The following BICC1 variants were observed in gnomAD, a reference collection of about 807,000 sequenced individuals.
BICC1 encodes BicC family RNA binding protein 1.
A neutral mutation model predicts 111.0 loss-of-function variants in BICC1; 43 were observed. That is an observed-to-expected ratio of 0.39 (90% CI 0.30 to 0.50). BICC1 has a LOEUF of 0.50. BICC1 is among the 20% of genes least tolerant of loss of function. The pLI is 0.88. For synonymous variants in BICC1, 467 were observed against 434.4 expected (o/e 1.07, Z -0.93); for missense variants, 1,091 against 1,203.2 (o/e 0.91, Z 1.38).
chr10:58,625,164 A>G (rs1297798872), intron 2 of BICC1, among the ~76,000 whole-genome samples: 2 of 152,182 alleles, frequency 1.3e-5, no homozygotes, highest in Non-Finnish European at 2.9e-5. Flanking sequence ...TGGCAGCTCT[A>G]TCTAATGGAA....
intron 1 of BICC1, among the ~76,000 whole-genome samples, chr10:58,537,449 A>AATTCTC (rs1589074336): frequency 6.6e-6 from 1 of 151,862 alleles, no homozygotes; most frequent in Non-Finnish European, 1.5e-5. Context: ...TTATGATAAA[A>AATTCTC]ATTCTCAACA....
At chr10:58,814,772 G>C (rs1365433934) in intron 18 of BICC1, among the ~76,000 whole-genome samples, 3 of 151,886 alleles carry the variant, frequency 2.0e-5, no homozygotes, top group Non-Finnish European at 4.4e-5. Context: ...CTACAGCCTG[G>C]GTGACAGAGC....
chr10:58,692,510 A>G (rs905912369), intron 2 of BICC1, among the ~76,000 whole-genome samples: 1 of 152,152 alleles, frequency 6.6e-6, no homozygotes, highest in Non-Finnish European at 1.5e-5. Flanking sequence ...AGTCTGTTTT[A>G]TTGTCAGTCA....
At chr10:58,796,767 C>T (rs973991150) in intron 10 of BICC1, among the ~76,000 whole-genome samples, 4 of 152,090 alleles carry the variant, frequency 2.6e-5, no homozygotes, top group African/African-American at 4.8e-5. Flanking sequence ...ATTTTATTTT[C>T]GGTGGCTGTG....
intron 2 of BICC1, among the ~76,000 whole-genome samples, chr10:58,657,551 G>C (rs948142420): frequency 6.6e-6 from 1 of 152,068 alleles, no homozygotes; most frequent in Non-Finnish European, 1.5e-5. Flanking sequence ...CCTTAGGGTA[G>C]GAAGATTTTT....
At chr10:58,734,185 AC>A (rs1430300748) in intron 3 of BICC1, among the ~76,000 whole-genome samples, 4 of 151,940 alleles carry the variant, frequency 2.6e-5, no homozygotes, top group Non-Finnish European at 4.4e-5. Flanking sequence ...GAGGGTGAGC[AC>A]CCCCTCTCTG....
intron 2 of BICC1, among the ~76,000 whole-genome samples, chr10:58,654,944 T>C (rs1301569395): frequency 9.0e-5 from 13 of 144,946 alleles, no homozygotes; most frequent in Non-Finnish European, 2.0e-4. Context: ...TAGGGAATCC[T>C]TTCCCCATTG....
chr10:58,703,525 A>G (rs905287196), intron 3 of BICC1, among the ~76,000 whole-genome samples: 1 of 152,190 alleles, frequency 6.6e-6, no homozygotes, highest in Non-Finnish European at 1.5e-5. Context: ...CTAAATAATC[A>G]TAAGAAGACA....
chr10:58,669,272 A>AGGATTTT (rs1356764245), intron 2 of BICC1, among the ~76,000 whole-genome samples: 1 of 151,980 alleles, frequency 6.6e-6, no homozygotes, highest in Non-Finnish European at 1.5e-5. Context: ...TGGGTTCCAA[A>AGGATTTT]GGATTTTGGA....
chr10:58,675,046 T>G (rs751884963), intron 2 of BICC1, among the ~76,000 whole-genome samples: 1 of 152,166 alleles, frequency 6.6e-6, no homozygotes, highest in Admixed American at 6.5e-5. Flanking sequence ...TACTCACGGA[T>G]GGTAATTATC....
chr10:58,535,146 A>C (rs1564475668), intron 1 of BICC1, among the ~76,000 whole-genome samples: 1 of 151,746 alleles, frequency 6.6e-6, no homozygotes, highest in Non-Finnish European at 1.5e-5. Flanking sequence ...AAAAACAAAA[A>C]ATTTGGAAAA....
At position 58,747,810 on chromosome 10, in the gene BICC1, G is replaced by T. The variant is rs140703309; in HGVS notation, c.308-37191G>T. Among the ~76,000 whole-genome samples, 931 of 152,196 alleles carry T rather than the reference G, an allele frequency of 6.1e-3. 2 individuals carry two copies. Among genetic ancestry groups the T allele is most frequent in the Non-Finnish European group, 0.01 (688 of 67,988 alleles). On this transcript the variant is annotated intron_variant, in intron 3 of 20. Coordinates refer to ENST00000373886, the MANE Select transcript of BICC1 (RefSeq NM_001080512.3). ...TGTTAGCTCTCTTGCTTTCATCAGG[G>T]ATTGGCAAACCACATTTCACAGGCC...
At chr10:58,653,676 T>G (rs921058005) in intron 2 of BICC1, among the ~76,000 whole-genome samples, 8 of 4,412 alleles carry the variant, frequency 1.8e-3, no homozygotes, top group African/African-American at 2.0e-3. Context: ...AGTATTGTTC[T>G]TTCTTTTTTT....
At chr10:58,623,856 G>T (rs1056119289) in intron 2 of BICC1, among the ~76,000 whole-genome samples, 3 of 151,510 alleles carry the variant, frequency 2.0e-5, no homozygotes, top group Non-Finnish European at 4.4e-5. Context: ...TAGTTATGTA[G>T]TCTTACCTAA....
chr10:58,768,806 C>G (rs552158457), intron 3 of BICC1, among the ~76,000 whole-genome samples: 1 of 151,686 alleles, frequency 6.6e-6, no homozygotes, highest in Non-Finnish European at 1.5e-5. Context: ...AGTAGATACA[C>G]AAAAGATAAA....
At chr10:58,800,854 T>C (rs1183345129) in intron 13 of BICC1, 36 bp from the exon 14 acceptor site, 1 of 1,560,930 alleles carries the variant, frequency 6.4e-7, no homozygotes, top group African/African-American at 1.4e-5. Flanking sequence ...GTGATGTTGT[T>C]TAGGTGTTTC....
At chr10:58,739,958 G>A (rs1841602389) in intron 3 of BICC1, among the ~76,000 whole-genome samples, 3 of 152,234 alleles carry the variant, frequency 2.0e-5, no homozygotes, top group East Asian at 3.9e-4. Context: ...TAGCTTTTTG[G>A]TAATAGACTT....
At chr10:58,783,151 A>C (rs1048716302) in intron 3 of BICC1, among the ~76,000 whole-genome samples, 5 of 151,920 alleles carry the variant, frequency 3.3e-5, no homozygotes, top group African/African-American at 1.2e-4. Flanking sequence ...GAGGGATTAC[A>C]AAATAGGATA....
intron 3 of BICC1, among the ~76,000 whole-genome samples, chr10:58,708,021 T>G: frequency 7.8e-6 from 1 of 127,808 alleles, no homozygotes; most frequent in Non-Finnish European, 1.7e-5. Flanking sequence ...TTTTTGTATT[T>G]TTAGTAGAGA....
Sources: gnomAD v4.1 joint callset for allele counts (sites outside exome capture counted in the v4.1 genomes callset) on GRCh38, gnomAD v4.1.1 for gene constraint, MANE v1.5 for transcripts, NCBI Gene and HGNC (gene_info 2026-07-23, HGNC 2026-07-21) for gene names.